GALNT16: variants seen among roughly 807,000 people sequenced by gnomAD.
GALNT16 encodes UDP-GalNAc:polypeptide N-acetylgalactosaminyltransferase-like protein 1.
GALNT16 carries 40 observed loss-of-function variants against 76.1 expected under a neutral mutation model. The ratio of observed to expected loss-of-function variants is 0.53; its 90% confidence interval spans 0.41 to 0.68. The LOEUF (loss-of-function observed/expected upper bound fraction) is 0.68, where lower values mean the gene tolerates loss of function less well. Ranked by LOEUF, GALNT16 falls within the 30% of genes least tolerant of loss-of-function variation. GALNT16 has a pLI of 0.00. For synonymous variants in GALNT16, 276 were observed against 285.2 expected, an observed-to-expected ratio of 0.97 and a Z score of 0.32; for missense variants, 621 against 731.9, an observed-to-expected ratio of 0.85 and a Z score of 1.75.
intron 1 of GALNT16, among the ~76,000 whole-genome samples, chr14:69,296,895 T>G (rs897379831): frequency 2.6e-5 from 4 of 152,238 alleles, no homozygotes; most frequent in Non-Finnish European, 5.9e-5. Context: ...ATATACTGTT[T>G]TGTACCTTGA....
chr14:69,312,821 G>C (rs1273419219), intron 1 of GALNT16, among the ~76,000 whole-genome samples: 1 of 152,218 alleles, frequency 6.6e-6, no homozygotes, highest in Non-Finnish European at 1.5e-5. Flanking sequence ...TCAGGACTCA[G>C]CTGTGTGCCG....
At chr14:69,294,622 C>T (rs944853952) in intron 1 of GALNT16, among the ~76,000 whole-genome samples, 6 of 152,180 alleles carry the variant, frequency 3.9e-5, no homozygotes, top group African/African-American at 1.2e-4. Flanking sequence ...CACCCCCAGC[C>T]CTAGGGAACC....
intron 2 of GALNT16, among the ~76,000 whole-genome samples, chr14:69,323,576 C>A (rs1447427524): frequency 6.6e-6 from 1 of 152,174 alleles, no homozygotes; most frequent in Non-Finnish European, 1.5e-5. Flanking sequence ...CCCAGCTCAG[C>A]CGGCCAAGCT....
chr14:69,341,839 C>G, intron 12 of GALNT16, 75 bp downstream of exon 12: 2 of 906,260 alleles, frequency 2.2e-6, no homozygotes, highest in Admixed American at 3.9e-5. Flanking sequence ...TGGTCCCACC[C>G]CACCCTTAGA....
At chr14:69,299,188 A>G (rs1363632856) in intron 1 of GALNT16, among the ~76,000 whole-genome samples, 1 of 152,182 alleles carries the variant, frequency 6.6e-6, no homozygotes, top group African/African-American at 2.4e-5. Context: ...AAACTCCTGG[A>G]AAGAGTTGCC....
At chr14:69,301,805 A>T (rs2044856405) in intron 1 of GALNT16, among the ~76,000 whole-genome samples, 1 of 152,178 alleles carries the variant, frequency 6.6e-6, no homozygotes, top group African/African-American at 2.4e-5. Context: ...CCTGGGCAAC[A>T]TGGTGAAACC....
chr14:69,279,570 G>C (rs1287240349), intron 1 of GALNT16, among the ~76,000 whole-genome samples: 1 of 152,254 alleles, frequency 6.6e-6, no homozygotes, highest in Non-Finnish European at 1.5e-5. Context: ...GGATAAGTAA[G>C]ACCCAGTTCC....
intron 1 of GALNT16, among the ~76,000 whole-genome samples, chr14:69,277,704 AG>A (rs2044490721): frequency 6.6e-6 from 1 of 152,222 alleles, no homozygotes; most frequent in Non-Finnish European, 1.5e-5. Flanking sequence ...GTGTCTTTAT[AG>A]CAGCATGATT....
At position 69,261,065 on chromosome 14, in the gene GALNT16, G is replaced by T. The variant is rs146058164; in HGVS notation, c.177+598G>T. ...GTTCTCTGGGTTGAGGAGAGGTCTC[G>T]CACTGTACGCGTCTCTCACTCCCAA... On this transcript the variant is annotated intron_variant, in intron 1 of 14. Coordinates refer to ENST00000448469, the MANE Select transcript of GALNT16 (RefSeq NM_001168368.2). The surrounding 1 kb of genome is among the most constrained non-coding windows in gnomAD (Gnocchi z 6.4). 1.3e-5 allele frequency among the ~76,000 whole-genome samples: 2 copies of T among 152,324 alleles called. No homozygotes were observed. Among genetic ancestry groups the T allele is most frequent in the East Asian group, 3.9e-4 (2 of 5,174 alleles).
At chr14:69,322,923 GGGGTGTGT>G (rs2045210002) in intron 2 of GALNT16, among the ~76,000 whole-genome samples, 3 of 105,152 alleles carry the variant, frequency 2.9e-5, no homozygotes, top group East Asian at 3.6e-4. Flanking sequence ...GGTGGCTCAC[GGGGTGTGT>G]GTGTGTGTGT....
At chr14:69,380,421 T>C in the GALNT16 span, 4 of 573,272 alleles carry the variant, frequency 7.0e-6, no homozygotes, top group African/African-American at 7.5e-5. Flanking sequence ...CAGTCAATCT[T>C]GGCTAGAGTA....
At position 69,333,282 on chromosome 14, in the gene GALNT16, ACT is replaced by A. The variant is rs1450574393; in HGVS notation, c.863+116_863+117del. The A allele has an allele frequency of 7.9e-6, 6 of 759,348 alleles. No homozygotes were observed. The highest frequency in any genetic ancestry group is 8.8e-6 in the Non-Finnish European group (4 of 454,482). 47.0% of individuals were successfully genotyped at this position (759,348 alleles called of 1,614,324 possible). On this transcript the variant is annotated intron_variant, in intron 8 of 14. Coordinates refer to ENST00000448469, the MANE Select transcript of GALNT16 (RefSeq NM_001168368.2). This position sits in a 1 kb window ranked among gnomAD's most constrained non-coding sequence, Gnocchi z 4.2. The stretch of plus-strand genomic sequence containing the variant: ...GGCTCCTGAGGCGCACTAAGTGCTG[ACT>A]CTGTTCTGGGCCTTCGGACCCTGTA...
chr14:69,328,393 A>C, intron 5 of GALNT16, 57 bp from the exon 6 acceptor site: 1 of 1,572,462 alleles, frequency 6.4e-7, no homozygotes, highest in Non-Finnish European at 8.7e-7. Flanking sequence ...TTTGGGGGAC[A>C]GGTGGGAAGC....
chr14:69,333,581 C>T lies in GALNT16; in HGVS notation c.948C>T (p.Ile316=). ...GAAAGTATGATGCCCAGATGGACATCTGGGGGGGAGAGAATTTTGGTGAGT... is the reference window on the plus strand; with the variant it reads ...GAAAGTATGATGCCCAGATGGACATTTGGGGGGGAGAGAATTTTGGTGAGT... The part of the protein sequence containing the change: ...HLGKYDAQMD[I]WGGENFELSF... The change falls in exon 9 of 15, where the codon ATC becomes ATT. Residue 316 remains isoleucine (I), a synonymous_variant. Transcript: ENST00000448469. The surrounding 1 kb of genome is among the most constrained non-coding windows in gnomAD (Gnocchi z 4.2). 2 of 1,579,632 alleles carry T rather than the reference C, an allele frequency of 1.3e-6. No homozygotes were observed. The highest frequency in any genetic ancestry group is 1.7e-6 in the Non-Finnish European group (2 of 1,153,260).
chr14:69,284,181 T>C (rs139777647), intron 1 of GALNT16, among the ~76,000 whole-genome samples: 181 of 152,218 alleles, frequency 1.2e-3, no homozygotes, highest in African/African-American at 4.2e-3. Context: ...CTGCAGTTCC[T>C]CGAGAAAGGG....
chr14:69,338,624 C>T, intron 9 of GALNT16, 27 bp from the exon 10 acceptor site: 1 of 1,608,160 alleles, frequency 6.2e-7, no homozygotes, highest in East Asian at 2.2e-5. Context: ...ACCCCTTCCT[C>T]CTCCTGACGG....
At position 69,325,325 on chromosome 14, in the gene GALNT16, C is replaced by G; in HGVS notation, c.435-12C>G. ...AATCCAGGCTCTTTCTCTGTTTCCA[C>G]TGCTACTGTAGTGTCCTGAACCGAA... On this transcript the variant is annotated splice_polypyrimidine_tract_variant and intron_variant, in intron 3 of 14. Transcript: ENST00000448469. The G allele has an allele frequency of 6.4e-7, 1 of 1,550,928 alleles. No homozygotes were observed. Among genetic ancestry groups the G allele is most frequent in the Non-Finnish European group, 8.9e-7 (1 of 1,122,142 alleles).
At chr14:69,334,487 A>G (rs1160319521) in intron 9 of GALNT16, among the ~76,000 whole-genome samples, 1 of 152,246 alleles carries the variant, frequency 6.6e-6, no homozygotes, top group Non-Finnish European at 1.5e-5. Flanking sequence ...GGGTCCTGGC[A>G]GAATACGGAA....
intron 9 of GALNT16, among the ~76,000 whole-genome samples, chr14:69,337,128 A>G (rs1485750888): frequency 6.6e-6 from 1 of 152,184 alleles, no homozygotes; most frequent in Non-Finnish European, 1.5e-5. Context: ...GTACAAGGGA[A>G]TCTAGAGCAG....
Sources: allele counts gnomAD v4.1 joint callset (sites outside exome capture counted in the v4.1 genomes callset), GRCh38; gene constraint gnomAD v4.1.1; non-coding constraint Gnocchi (gnomAD v3.1); transcripts MANE v1.5; gene names NCBI Gene and HGNC (gene_info 2026-07-23, HGNC 2026-07-21).